The following MIB1 variants were observed in gnomAD, a reference collection of about 807,000 sequenced individuals.
MIB1 encodes the protein E3 ubiquitin-protein ligase MIB1.
In MIB1, 278 loss-of-function variants were observed where a neutral mutation model predicts 124.5. The ratio of observed to expected loss-of-function variants is 2.23; its 90% CI spans 2.02 to 2.47. MIB1 has a LOEUF of 2.47. MIB1 is among the 30% of genes most tolerant of loss of function. The pLI is 0.00. For missense variants in MIB1, 957 were observed against 1,254.4 expected (o/e 0.76, Z 3.58); for synonymous variants, 446 against 429.4 (o/e 1.04, Z -0.48).
intron 1 of MIB1, among the ~76,000 whole-genome samples, chr18:21,746,499 A>G (rs1046587000): frequency 6.6e-6 from 1 of 152,318 alleles, no homozygotes; most frequent in East Asian, 1.9e-4. Context: ...TTTTGGGACT[A>G]TATGGGATGT....
rs574513342 is a variant in MIB1, at chr18:21,730,410, TA to T, written n.167+25295del. Among the ~76,000 whole-genome samples the T allele has an allele frequency of 3.9e-5, 6 of 151,984 alleles. No individual in the cohort carries two copies. In the South Asian group the frequency reaches 1.2e-3, roughly 32 times the overall value. On this transcript the variant is annotated intron_variant and non_coding_transcript_variant, in intron 1 of 20. Coordinates refer to the MIB1 transcript ENST00000578646. ...GGTGAAACCCCGTCTCTGCTAAAAA[TA>T]AAAAAAATTGGCTGGGTGTGGTGGT...
chr18:21,805,733 T>A (rs983886256), intron 10 of MIB1, among the ~76,000 whole-genome samples: 2 of 18 alleles, frequency 0.11, no homozygotes, highest in Admixed American at 0.5. Context: ...TTTTTAAAGT[T>A]GCTTTCAGAT....
intron 10 of MIB1, among the ~76,000 whole-genome samples, chr18:21,806,227 A>G (rs1163157908): frequency 6.7e-6 from 1 of 148,172 alleles, no homozygotes. Context: ...TTTTTGATAC[A>G]GGGTCTTGCT....
At chr18:21,764,408 A>G (rs1014049607) in intron 1 of MIB1, among the ~76,000 whole-genome samples, 1 of 152,120 alleles carries the variant, frequency 6.6e-6, no homozygotes, top group Non-Finnish European at 1.5e-5. Flanking sequence ...TTTCTTTCTT[A>G]TCGGGAAGTA....
chr18:21,835,156 T>C (rs1265667981), intron 12 of MIB1, among the ~76,000 whole-genome samples: 2 of 152,244 alleles, frequency 1.3e-5, no homozygotes, highest in Non-Finnish European at 2.9e-5. Flanking sequence ...TTTAGTCTCA[T>C]GTTCTTTTAA....
intron 4 of MIB1, among the ~76,000 whole-genome samples, chr18:21,776,388 T>C (rs2041287219): frequency 6.6e-6 from 1 of 152,160 alleles, no homozygotes; most frequent in African/African-American, 2.4e-5. Flanking sequence ...TGCGTGTGTG[T>C]GCACATGCAT....
intron 12 of MIB1, among the ~76,000 whole-genome samples, chr18:21,837,332 C>G (rs1598635730): frequency 6.6e-6 from 1 of 152,284 alleles, no homozygotes; most frequent in Middle Eastern, 3.4e-3. Context: ...CACGGTGAAA[C>G]CCCATCTCTA....
At chr18:21,717,540 A>G (rs2040694766) in intron 1 of MIB1, among the ~76,000 whole-genome samples, 1 of 152,070 alleles carries the variant, frequency 6.6e-6, no homozygotes, top group Non-Finnish European at 1.5e-5. Flanking sequence ...AACTCAAACA[A>G]ATTAGCAAGA....
At chr18:21,771,900 T>A (rs2041227932) in intron 3 of MIB1, among the ~76,000 whole-genome samples, 1 of 151,638 alleles carries the variant, frequency 6.6e-6, no homozygotes, top group Non-Finnish European at 1.5e-5. Flanking sequence ...CTTGGGAGGC[T>A]GAGGCAGGAG....
chr18:21,830,627 C>G (rs2041970247), intron 12 of MIB1: 1 of 152,060 alleles, frequency 6.6e-6, no homozygotes. Flanking sequence ...TACCTGTAAG[C>G]TTAGTGTCAT....
At chr18:21,840,829 TTAAAAA>T (rs1380132446) in intron 13 of MIB1, among the ~76,000 whole-genome samples, 2 of 151,470 alleles carry the variant, frequency 1.3e-5, no homozygotes, top group African/African-American at 2.4e-5. Context: ...AGACCTTGTC[TTAAAAA>T]TAAAACAAAA....
chr18:21,747,660 C>T (rs2040926547), intron 1 of MIB1, among the ~76,000 whole-genome samples: 1 of 152,150 alleles, frequency 6.6e-6, no homozygotes, highest in Non-Finnish European at 1.5e-5. Context: ...CATGTAACAC[C>T]TTTCTAATAT....
At chr18:21,830,128 G>A (rs2041965098) in intron 12 of MIB1, among the ~76,000 whole-genome samples, 1 of 151,800 alleles carries the variant, frequency 6.6e-6, no homozygotes, top group African/African-American at 2.4e-5. Context: ...TCAGAATGTA[G>A]CAGTAGATAG....
Position 21,798,147 on chromosome 18 carries a change from T to A in MIB1, c.1156T>A (p.Cys386Ser), listed in dbSNP as rs1366366606. The A allele has an allele frequency of 6.2e-7, 1 of 1,613,408 alleles. No homozygotes were observed. The highest frequency in any genetic ancestry group is 8.5e-7 in the Non-Finnish European group (1 of 1,179,482). ...AGACAGTGATTTAAAGGTGGAAGTT[T>A]GTGGAACATCTTGGACATACAATCC... ...YSDSDLKVEV[C>S]GTSWTYNPAA... The change falls in exon 8 of 21, where the codon TGT becomes AGT. Residue 386 changes from cysteine to serine, a missense_variant. Cys to Ser is a moderately radical substitution (Grantham distance 112). Coordinates refer to ENST00000261537, the MANE Select transcript of MIB1 (RefSeq NM_020774.4).
rs755675508 is a variant in MIB1 at position 21,741,535 on chromosome 18, AGCGGCGGCGGCGGCG to A, written c.-43_-29del. ...ACTCCCTCACGGGCCCCCCGGCGGCAGCGGCGGCGGCGGCGGCGGCAGCGGCGGAGCCCACCGCCC... is the reference window on the plus strand; with the variant it reads ...ACTCCCTCACGGGCCCCCCGGCGGCAGCGGCAGCGGCGGAGCCCACCGCCC... On this transcript the variant is annotated 5_prime_UTR_variant, in exon 1 of 21. Coordinates refer to ENST00000261537, the MANE Select transcript of MIB1 (RefSeq NM_020774.4). The surrounding 1 kb of genome is among the most constrained non-coding windows in gnomAD (Gnocchi z 5.4). 4.1e-6 allele frequency: 5 copies of A among 1,231,356 alleles called. No individual in the cohort carries two copies. The highest frequency in any genetic ancestry group is 4.1e-6 in the Non-Finnish European group (4 of 976,496). The allele number at this position is 1,231,356 out of a possible 1,614,324, so 76.3% of individuals were successfully genotyped here. A position where few individuals can be genotyped will look rare whatever the true frequency, so the allele number is the denominator to read the frequency against.
intron 4 of MIB1, among the ~76,000 whole-genome samples, chr18:21,775,511 A>G (rs1274874931): frequency 6.6e-6 from 1 of 152,220 alleles, no homozygotes; most frequent in Non-Finnish European, 1.5e-5. Context: ...CAAAATGCTG[A>G]GACTACTAGC....
intron 17 of MIB1, 85 bp downstream of exon 17, chr18:21,849,473 G>A (rs140627367): frequency 4.9e-4 from 362 of 740,448 alleles, no homozygotes; most frequent in African/African-American, 3.5e-3. Context: ...GACATCATGC[G>A]TCTGTGTAAT....
chr18:21,847,080 C>G lies in MIB1; in HGVS notation c.2348C>G (p.Pro783Arg). ...GQSPLDLCPD[P>R]NLCKALAKCH... ...TCGCCACTTGATCTCTGTCCTGATC[C>G]GAATCTCTGCAAAGCACTGGCAAAG... is the stretch of plus-strand genomic sequence containing the variant. The change falls in exon 16 of 21, where the codon CCG becomes CGG. Residue 783 changes from proline to arginine, a missense_variant. Transcript: ENST00000261537. 1 of 1,614,038 alleles carries G rather than the reference C, an allele frequency of 6.2e-7. No individual in the cohort carries two copies. The highest frequency in any genetic ancestry group is 8.5e-7 in the Non-Finnish European group (1 of 1,179,986).
Position 21,846,942 on chromosome 18 carries a change from A to T in MIB1, c.2212-2A>T, listed in dbSNP as rs1431792599. 6.2e-7 allele frequency: 1 copy of T among 1,611,728 alleles called. No homozygotes were observed. The highest frequency in any genetic ancestry group is 8.5e-7 in the Non-Finnish European group (1 of 1,178,884). The stretch of plus-strand genomic sequence containing the variant: ...AAATCATGACTCTTTATTTTATTGC[A>T]GTTAATAATGGGACTTGGTACCCAG... On this transcript the variant is annotated splice_acceptor_variant, in intron 15 of 20. Coordinates refer to ENST00000261537, the MANE Select transcript of MIB1 (RefSeq NM_020774.4). LOFTEE classifies it high-confidence loss of function.
Sources: gnomAD v4.1 joint callset for allele counts (sites outside exome capture counted in the v4.1 genomes callset) on GRCh38, gnomAD v4.1.1 for gene constraint, Gnocchi (gnomAD v3.1) non-coding constraint, MANE v1.5 for transcripts, NCBI Gene and HGNC (gene_info 2026-07-23, HGNC 2026-07-21) for gene names.